RCAN1: variants seen among roughly 807,000 people sequenced by gnomAD.
RCAN1 encodes calcipressin-1.
A neutral mutation model predicts 22.9 loss-of-function variants in RCAN1; 11 were observed. The ratio of observed to expected loss-of-function variants is 0.48; its 90% CI spans 0.30 to 0.79. RCAN1 has a LOEUF of 0.79. Ranked by LOEUF, RCAN1 falls within the 30% of genes least tolerant of loss-of-function variation. The pLI is 0.06. For synonymous variants in RCAN1, 136 were observed against 142.3 expected, an observed-to-expected ratio of 0.96 and a Z score of 0.32; for missense variants, 291 against 337.8, an observed-to-expected ratio of 0.86 and a Z score of 1.09.
At chr21:34,585,451 T>C (rs1987756017) in intron 1 of RCAN1, among the ~76,000 whole-genome samples, 1 of 152,068 alleles carries the variant, frequency 6.6e-6, no homozygotes, top group Non-Finnish European at 1.5e-5. Flanking sequence ...TTTTTAAAAA[T>C]ACATAATTCA....
At chr21:34,575,532 A>G (rs1326119952) in intron 1 of RCAN1, among the ~76,000 whole-genome samples, 1 of 152,166 alleles carries the variant, frequency 6.6e-6, no homozygotes. Context: ...ATTTAGATGT[A>G]TATTTTTAGA....
intron 1 of RCAN1, among the ~76,000 whole-genome samples, chr21:34,601,629 T>A (rs928806632): frequency 6.6e-6 from 1 of 152,142 alleles, no homozygotes; most frequent in East Asian, 1.9e-4. Context: ...TCATCTTGGC[T>A]AACACGGTGA....
At chr21:34,590,653 G>A (rs1450370094) in intron 1 of RCAN1, among the ~76,000 whole-genome samples, 2 of 152,204 alleles carry the variant, frequency 1.3e-5, no homozygotes, top group African/African-American at 2.4e-5. Context: ...ATTCCAGGAT[G>A]CTGTGCTTTT....
At chr21:34,556,299 G>A (rs1204186443) in intron 1 of RCAN1, among the ~76,000 whole-genome samples, 7 of 150,862 alleles carry the variant, frequency 4.6e-5, no homozygotes, top group Non-Finnish European at 4.4e-5. Flanking sequence ...GGTGGTGTGC[G>A]CCTCTAGTCC....
At chr21:34,554,244 C>T (rs1481837327) in intron 1 of RCAN1, among the ~76,000 whole-genome samples, 1 of 152,130 alleles carries the variant, frequency 6.6e-6, no homozygotes, top group Non-Finnish European at 1.5e-5. Flanking sequence ...AAAATGTAAA[C>T]ACATTTTGAA....
rs1987715777 is a variant in RCAN1, at chr21:34,584,280, C to A, written c.252+30480G>T. On this transcript the variant is annotated intron_variant, in intron 1 of 3. Transcript: ENST00000313806. ...AGAAACTCAATTGTGCTAGAAATAG[C>A]CAAACTGTCTCATTCAGAATGCATT... is the stretch of plus-strand genomic sequence containing the variant. Among the ~76,000 whole-genome samples the A allele has an allele frequency of 2.0e-5, 3 of 152,224 alleles. No homozygotes were observed. In the South Asian group the frequency reaches 6.2e-4, roughly 32 times the overall value.
chr21:34,597,481 T>C (rs1181847369), intron 1 of RCAN1, among the ~76,000 whole-genome samples: 1 of 152,188 alleles, frequency 6.6e-6, no homozygotes, highest in Non-Finnish European at 1.5e-5. Flanking sequence ...TTCGGGAAGC[T>C]GCTTCTTTAA....
chr21:34,530,637 T>G (rs1367187511), intron 1 of RCAN1, among the ~76,000 whole-genome samples: 2 of 147,574 alleles, frequency 1.4e-5, no homozygotes, highest in African/African-American at 2.5e-5. Context: ...TTTTTTTTTT[T>G]TTTTTTGAGA....
At chr21:34,588,215 A>C (rs1313386162) in intron 1 of RCAN1, among the ~76,000 whole-genome samples, 1 of 152,194 alleles carries the variant, frequency 6.6e-6, no homozygotes, top group Admixed American at 6.5e-5. Flanking sequence ...GATGAAAAAC[A>C]TGCTTCCACT....
Position 34,614,541 on chromosome 21 carries a change from C to CA in RCAN1, c.252+218dup. 2.9e-6 allele frequency: 3 copies of CA among 1,020,796 alleles called. No individual in the cohort carries two copies. Among genetic ancestry groups the CA allele is most frequent in the Non-Finnish European group, 3.6e-6 (3 of 840,820 alleles). 63.2% of individuals were successfully genotyped at this position (1,020,796 alleles called of 1,614,324 possible). A position where few individuals can be genotyped will look rare whatever the true frequency, so the allele number is the denominator to read the frequency against. ...GCCGGGGCGAGCCTGTGGGACTCTG[C>CA]AGTGAGCTCCGCGCGCCCCGGGGGT... On this transcript the variant is annotated intron_variant, in intron 1 of 3. Coordinates refer to ENST00000313806, the MANE Select transcript of RCAN1 (RefSeq NM_004414.7). This position sits in a 1 kb window ranked among gnomAD's most constrained non-coding sequence, Gnocchi z 6.0.
intron 1 of RCAN1, among the ~76,000 whole-genome samples, chr21:34,545,173 C>A (rs892516618): frequency 6.6e-6 from 1 of 152,196 alleles, no homozygotes; most frequent in Non-Finnish European, 1.5e-5. Context: ...CGAAAGCAGG[C>A]TCAGTGCCCC....
chr21:34,525,094 G>A, intron 1 of RCAN1: 1 of 1,550,596 alleles, frequency 6.4e-7, no homozygotes, highest in Non-Finnish European at 8.7e-7. Flanking sequence ...GGACCTTGGA[G>A]AACCTATGGA....
chr21:34,583,177 C>CTTT (rs1568922372), intron 1 of RCAN1, among the ~76,000 whole-genome samples: 1 of 107,032 alleles, frequency 9.3e-6, no homozygotes, highest in Admixed American at 1.1e-4. Context: ...GGCGATAGGG[C>CTTT]CTTTTTTTTT....
rs1986934504 is a variant in RCAN1 at position 34,564,542 on chromosome 21, G to A, written c.253-40832C>T. The stretch of plus-strand genomic sequence containing the variant: ...ACAGGGAGGCAGGGACAGACAGCCA[G>A]GGTAGCAAGGAGGGCCAGGCCAGTG... On this transcript the variant is annotated intron_variant, in intron 1 of 3. Transcript: ENST00000313806. 2.0e-5 allele frequency among the ~76,000 whole-genome samples: 3 copies of A among 152,152 alleles called. No homozygotes were observed. The South Asian group carries it at 6.2e-4, about 32-fold the overall frequency.
chr21:34,565,573 C>T (rs1180398788), intron 1 of RCAN1, among the ~76,000 whole-genome samples: 1 of 152,210 alleles, frequency 6.6e-6, no homozygotes, highest in Non-Finnish European at 1.5e-5. Flanking sequence ...GAGGAAGATG[C>T]TTCTTTAATA....
intron 1 of RCAN1, among the ~76,000 whole-genome samples, chr21:34,527,853 G>GT (rs1182210122): frequency 3.8e-5 from 3 of 79,846 alleles, no homozygotes; most frequent in Non-Finnish European, 7.3e-5. Context: ...TAAACTAAAT[G>GT]TAAAAAAAAA....
chr21:34,533,759 A>T (rs1445054204), intron 1 of RCAN1, among the ~76,000 whole-genome samples: 1 of 152,236 alleles, frequency 6.6e-6, no homozygotes, highest in Non-Finnish European at 1.5e-5. Context: ...AAAAGTGGTG[A>T]AAGCAAGCCC....
chr21:34,522,842 C>T (rs1044892130), intron 2 of RCAN1: 3 of 152,174 alleles, frequency 2.0e-5, no homozygotes. Context: ...CCCCTAAGGA[C>T]ATCAAATGGA....
At chr21:34,567,072 A>G (rs1987037951) in intron 1 of RCAN1, among the ~76,000 whole-genome samples, 1 of 152,202 alleles carries the variant, frequency 6.6e-6, no homozygotes, top group Admixed American at 6.5e-5. Flanking sequence ...AACTTGATCA[A>G]TGGTACTGCT....
Sources: allele counts gnomAD v4.1 joint callset (sites outside exome capture counted in the v4.1 genomes callset), GRCh38; gene constraint gnomAD v4.1.1; non-coding constraint Gnocchi (gnomAD v3.1); transcripts MANE v1.5; gene names NCBI Gene and HGNC (gene_info 2026-07-23, HGNC 2026-07-21).